PTCHD1: variants seen among roughly 807,000 people sequenced by gnomAD.
PTCHD1 encodes patched domain-containing protein 1.
PTCHD1 carries 3 observed loss-of-function variants against 34.6 expected under a neutral mutation model. That is an observed-to-expected ratio of 0.09 (90% CI 0.04 to 0.22). PTCHD1 has a LOEUF of 0.22. Among genes scored for constraint, PTCHD1 ranks in the 10% least tolerant of loss-of-function variants. The pLI, the probability that PTCHD1 is intolerant of heterozygous loss-of-function variation, is 1.00. For missense variants in PTCHD1, 504 were observed against 685.5 expected (o/e 0.74, Z 2.96); for synonymous variants, 305 against 283.1 (o/e 1.08, Z -0.77).
chrX:23,344,159 T>G (rs1365725235), intron 1 of PTCHD1, among the ~76,000 whole-genome samples: 1 of 112,202 alleles, frequency 8.9e-6, no homozygotes, highest in Non-Finnish European at 1.9e-5. Flanking sequence ...AGGCTCAAAT[T>G]TAACTGTTGT....
At chrX:23,342,306 A>T (rs1291373562) in intron 1 of PTCHD1, among the ~76,000 whole-genome samples, 2 of 9,830 alleles carry the variant, frequency 2.0e-4, no homozygotes, top group East Asian at 6.6e-3. Context: ...ATATATATAT[A>T]TATATTTTTT....
intron 1 of PTCHD1, among the ~76,000 whole-genome samples, chrX:23,354,845 A>G (rs777506459): frequency 1.8e-3 from 198 of 108,973 alleles, no homozygotes; most frequent in Non-Finnish European, 3.3e-3. Flanking sequence ...TGCTGGGATT[A>G]TAGGGGTGAG....
chrX:23,367,388 T>C (rs1320776286), intron 1 of PTCHD1, among the ~76,000 whole-genome samples: 1 of 111,910 alleles, frequency 8.9e-6, no homozygotes, highest in Admixed American at 9.5e-5. Flanking sequence ...TAGCAAACCA[T>C]TGTCACCATT....
chrX:23,379,913 T>C lies in PTCHD1; in HGVS notation c.674T>C (p.Val225Ala). Reference sequence around the variant, plus strand: ...TCAATCAACAGTCTCAATGACATGGTGGCTGAGAGGTGGGAGTCCAGCTTC... The same window carrying C: ...TCAATCAACAGTCTCAATGACATGGCGGCTGAGAGGTGGGAGTCCAGCTTC... ...LQSINSLNDM[V>A]AERWESSFCD... is the part of the protein sequence containing the mutation. The change falls in exon 2 of 3, where the codon GTG becomes GCG. Residue 225 changes from valine (V) to alanine (A), a missense_variant. Val to Ala is a moderately conservative substitution (Grantham distance 64). Coordinates refer to ENST00000379361, the MANE Select transcript of PTCHD1 (RefSeq NM_173495.3). 8.3e-7 allele frequency: 1 copy of C among 1,212,108 alleles called. No homozygotes were observed. The highest frequency in any genetic ancestry group is 1.1e-6 in the Non-Finnish European group (1 of 895,524).
At position 23,392,633 on chromosome X, in the gene PTCHD1, T is replaced by C. The variant is rs867657291; in HGVS notation, c.1115T>C (p.Met372Thr). 8.3e-7 allele frequency: 1 copy of C among 1,207,734 alleles called. No homozygotes were observed. Among genetic ancestry groups the C allele is most frequent in the African/African-American group, 1.7e-5 (1 of 57,259 alleles). ...ACTGCAGCAGTCTATGCAGACTCCA[T>C]GCTCTCCTTTTCTCTCACCACTGCC... ...ERTAAVYADS[M>T]LSFSLTTAMY... The change falls in exon 3 of 3, where the codon ATG becomes ACG. Residue 372 changes from methionine to threonine, a missense_variant. Physicochemically the swap from Met to Thr is moderately conservative, Grantham distance 81 (BLOSUM62 -1). Coordinates refer to ENST00000379361, the MANE Select transcript of PTCHD1 (RefSeq NM_173495.3).
chrX:23,334,794 G>A (rs960444458), upstream of PTCHD1: 17 of 474,967 alleles, frequency 3.6e-5, no homozygotes, highest in Non-Finnish European at 3.6e-5. Flanking sequence ...CGCTGCCGCC[G>A]CCGCCGCCGC....
rs750679179 is a variant in PTCHD1 at position 23,392,832 on chromosome X, T to C, written c.1314T>C (p.Ser438=). The change falls in exon 3 of 3, where the codon AGT becomes AGC. Residue 438 remains serine, a synonymous_variant. Coordinates refer to ENST00000379361, the MANE Select transcript of PTCHD1 (RefSeq NM_173495.3). The stretch of plus-strand genomic sequence containing the variant: ...ACATAGAAAACAATTACCAGCATAG[T>C]ATCTTCTGTAGAAAAGTCCCAAAGC... The part of the protein sequence containing the change: ...TGYIENNYQH[S]IFCRKVPKPE... 6 of 1,211,899 alleles carry C rather than the reference T, an allele frequency of 5.0e-6. No individual in the cohort carries two copies. In the Admixed American group the frequency reaches 1.3e-4, roughly 26 times the overall value.
intron 1 of PTCHD1, among the ~76,000 whole-genome samples, chrX:23,358,209 C>T (rs1921863639): frequency 8.9e-6 from 1 of 111,786 alleles, no homozygotes; most frequent in Admixed American, 9.5e-5. Context: ...GTATTTCTAC[C>T]TCTAGATCCC....
At position 23,393,915 on chromosome X, in the gene PTCHD1, A is replaced by G; in HGVS notation, c.2397A>G (p.Leu799=). ...NALEVHGVAI[L]QSYLCYIVGL... is the part of the protein sequence containing the mutation. The stretch of plus-strand genomic sequence containing the variant: ...TGGAAGTGCATGGGGTAGCTATTTT[A>G]CAGAGTTACCTCTGCTATATTGTTG... Residue 799 remains leucine, a synonymous_variant, in exon 3 of 3, where the codon TTA becomes TTG. Transcript: ENST00000379361. 4 of 1,211,286 alleles carry G rather than the reference A, an allele frequency of 3.3e-6. No individual in the cohort carries two copies. Among genetic ancestry groups the G allele is most frequent in the Non-Finnish European group, 4.5e-6 (4 of 895,225 alleles).
At chrX:23,367,951 G>A (rs1218828562) in intron 1 of PTCHD1, among the ~76,000 whole-genome samples, 1 of 110,475 alleles carries the variant, frequency 9.1e-6, no homozygotes, top group Admixed American at 9.6e-5. Context: ...TATGCCTATT[G>A]TTCCTGTGAA....
chrX:23,338,901 T>G (rs1463464206), intron 1 of PTCHD1, among the ~76,000 whole-genome samples: 1 of 112,485 alleles, frequency 8.9e-6, no homozygotes, highest in Non-Finnish European at 1.9e-5. Context: ...TTCTGTCTAG[T>G]GTCAATTAAA....
intron 1 of PTCHD1, among the ~76,000 whole-genome samples, chrX:23,363,554 C>T (rs1922049803): frequency 8.9e-6 from 1 of 112,837 alleles, no homozygotes; most frequent in South Asian, 3.7e-4. Context: ...CAGGTACAGT[C>T]TTTCATGGCT....
At chrX:23,339,083 A>G (rs181037614) in intron 1 of PTCHD1, among the ~76,000 whole-genome samples, 25 of 112,049 alleles carry the variant, frequency 2.2e-4, no homozygotes, top group Admixed American at 4.7e-4. Flanking sequence ...ACTGAACTTT[A>G]GTGCCTTACA....
rs970769516 is a variant in PTCHD1, at chrX:23,397,332, T to G, written c.*3147T>G. The G allele has an allele frequency of 6.3e-5, 7 of 111,864 alleles. No individual in the cohort carries two copies. Among genetic ancestry groups the G allele is most frequent in the African/African-American group, 2.3e-4 (7 of 30,792 alleles). 9.2% of individuals were successfully genotyped at this position (111,864 alleles called of 1,213,427 possible). ...GCAAGAAAGAAAATGATACTTGAAA[T>G]AGGGCATTATTGTTTAGCCTACAGC... On this transcript the variant is annotated 3_prime_UTR_variant, in exon 3 of 3. Transcript: ENST00000379361.
At chrX:23,342,308 ATAT>A (rs551009609) in intron 1 of PTCHD1, among the ~76,000 whole-genome samples, 2 of 9,696 alleles carry the variant, frequency 2.1e-4, no homozygotes, top group Non-Finnish European at 2.8e-4. Context: ...ATATATATAT[ATAT>A]TTTTTTTTTT....
chrX:23,393,845 T>C lies in PTCHD1; in HGVS notation c.2327T>C (p.Val776Ala), dbSNP rs1922901249. 8.3e-6 allele frequency: 10 copies of C among 1,209,734 alleles called. No individual in the cohort carries two copies. Among genetic ancestry groups the C allele is most frequent in the Non-Finnish European group, 2.2e-6 (2 of 894,937 alleles). ...TGTGCTCCAATGTTATCCACATTTG[T>C]TCTGGGCAAGGATTTCACAAGAACT... ...DNCAPMLSTF[V>A]LGKDFTRTKW... is the part of the protein sequence containing the mutation. The change falls in exon 3 of 3, where the codon GTT becomes GCT. Residue 776 changes from valine to alanine, a missense_variant. Physicochemically the swap from Val to Ala is moderately conservative, Grantham distance 64 (BLOSUM62 0). Coordinates refer to ENST00000379361, the MANE Select transcript of PTCHD1 (RefSeq NM_173495.3).
In PTCHD1 at chrX:23,351,495, G is replaced by C. The variant is rs1406862025; in HGVS notation, c.351+16269G>C. On this transcript the variant is annotated intron_variant, in intron 1 of 2. Coordinates refer to ENST00000379361, the MANE Select transcript of PTCHD1 (RefSeq NM_173495.3). ...TTTAATGGATTCTGAAATTTGTCATGTTTTGAAGATAACTGACTCCATTTA... is the reference window on the plus strand; with the variant it reads ...TTTAATGGATTCTGAAATTTGTCATCTTTTGAAGATAACTGACTCCATTTA... 4 of 446,847 alleles carry C rather than the reference G, an allele frequency of 9.0e-6. No homozygotes were observed. The African/African-American group carries it at 9.7e-5, about 11-fold the overall frequency. 36.8% of individuals were successfully genotyped at this position (446,847 alleles called of 1,213,427 possible). A position where few individuals can be genotyped will look rare whatever the true frequency, so the allele number is the denominator to read the frequency against.
chrX:23,371,255 C>T (rs760258341), intron 1 of PTCHD1, among the ~76,000 whole-genome samples: 4 of 111,701 alleles, frequency 3.6e-5, no homozygotes, highest in Non-Finnish European at 7.5e-5. Flanking sequence ...TGGACCTCCC[C>T]CAGAAGCTAA....
intron 1 of PTCHD1, among the ~76,000 whole-genome samples, chrX:23,353,071 C>T (rs1921686692): frequency 8.9e-6 from 1 of 111,855 alleles, no homozygotes; most frequent in Non-Finnish European, 1.9e-5. Flanking sequence ...CTGTATTAAG[C>T]GCATGTGATA....
Sources: gnomAD v4.1 joint callset for allele counts (sites outside exome capture counted in the v4.1 genomes callset) on GRCh38, gnomAD v4.1.1 for gene constraint, MANE v1.5 for transcripts, NCBI Gene and HGNC (gene_info 2026-07-23, HGNC 2026-07-21) for gene names.